The following BAZ2B variants were observed in gnomAD, a reference collection of about 807,000 sequenced individuals.
BAZ2B encodes bromodomain adjacent to zinc finger domain protein 2B.
Under a neutral mutation model 246.0 loss-of-function variants are expected in BAZ2B, and 91 were observed. The ratio of observed to expected loss-of-function variants is 0.37; its 90% CI spans 0.31 to 0.44. BAZ2B has a LOEUF of 0.44. Among genes scored for constraint, BAZ2B ranks in the 20% least tolerant of loss-of-function variants. The pLI is 1.00. For missense variants in BAZ2B, 2,332 were observed against 2,533.7 expected (o/e 0.92, Z 1.71); for synonymous variants, 855 against 860.0 (o/e 0.99, Z 0.10).
At chr2:159,661,307 A>T in the BAZ2B span, among the ~76,000 whole-genome samples, 1 of 152,214 alleles carries the variant, frequency 6.6e-6, no homozygotes. Context: ...ATTCCATTGT[A>T]TGGATATACT....
chr2:159,474,461 A>C (rs1300049357), intron 3 of BAZ2B, among the ~76,000 whole-genome samples: 1 of 152,112 alleles, frequency 6.6e-6, no homozygotes, highest in Non-Finnish European at 1.5e-5. Context: ...TTTGCCCATG[A>C]GATGGGGCTC....
chr2:159,667,895 A>G, the BAZ2B span, among the ~76,000 whole-genome samples: 4 of 152,010 alleles, frequency 2.6e-5, no homozygotes, highest in African/African-American at 9.7e-5. Context: ...CATTGATTTT[A>G]CCATCAGCTT....
chr2:159,607,294 A>G (rs971781622), intron 1 of BAZ2B, among the ~76,000 whole-genome samples: 1 of 152,212 alleles, frequency 6.6e-6, no homozygotes, highest in African/African-American at 2.4e-5. Flanking sequence ...GGATACACAT[A>G]TATCACCCTC....
chr2:159,540,231 A>G (rs1188209041), intron 2 of BAZ2B, among the ~76,000 whole-genome samples: 1 of 152,214 alleles, frequency 6.6e-6, no homozygotes, highest in African/African-American at 2.4e-5. Context: ...CAGTATGTGA[A>G]GCATACAATA....
chr2:159,317,440 G>C (rs140886423), downstream of BAZ2B, among the ~76,000 whole-genome samples: 15 of 152,254 alleles, frequency 9.9e-5, no homozygotes, highest in East Asian at 2.9e-3. Flanking sequence ...TTGGGTTTTA[G>C]GTGTACCTAT....
At chr2:159,609,277 CCTT>C (rs1694194641) in intron 1 of BAZ2B, among the ~76,000 whole-genome samples, 2 of 152,094 alleles carry the variant, frequency 1.3e-5, no homozygotes, top group Admixed American at 6.5e-5. Context: ...AAAAGAGACT[CCTT>C]ATTAGATTTC....
At chr2:159,374,138 G>A (rs990256151) in intron 26 of BAZ2B, among the ~76,000 whole-genome samples, 3 of 146,582 alleles carry the variant, frequency 2.0e-5, no homozygotes, top group Admixed American at 6.8e-5. Context: ...TCAAACTCCT[G>A]GGCTCAAACG....
At chr2:159,446,260 A>C (rs1267757052) in intron 6 of BAZ2B, among the ~76,000 whole-genome samples, 1 of 152,242 alleles carries the variant, frequency 6.6e-6, no homozygotes, top group East Asian at 1.9e-4. Flanking sequence ...GAGAGGCAAT[A>C]AATTGATAAC....
chr2:159,435,871 T>C (rs1435603557), intron 8 of BAZ2B, among the ~76,000 whole-genome samples: 1 of 152,354 alleles, frequency 6.6e-6, no homozygotes, highest in Non-Finnish European at 1.5e-5. Flanking sequence ...TTAACATCTA[T>C]ACTGTATTAG....
At chr2:159,365,437 C>T (rs1158128745) in intron 27 of BAZ2B, among the ~76,000 whole-genome samples, 2 of 152,168 alleles carry the variant, frequency 1.3e-5, no homozygotes, top group Non-Finnish European at 2.9e-5. Flanking sequence ...TATGCCAAGA[C>T]CTGAGTTTTT....
the BAZ2B span, among the ~76,000 whole-genome samples, chr2:159,671,174 G>A: frequency 2.6e-5 from 4 of 152,100 alleles, no homozygotes; most frequent in African/African-American, 9.7e-5. Context: ...CAAATACATT[G>A]ATCCTTTAAA....
intron 11 of BAZ2B, among the ~76,000 whole-genome samples, chr2:159,428,795 A>G (rs1170858666): frequency 6.6e-6 from 1 of 152,116 alleles, no homozygotes; most frequent in African/African-American, 2.4e-5. Context: ...CCAGTCTAAA[A>G]GCTGTCATTT....
At chr2:159,388,404 A>T (rs2062893463) in intron 21 of BAZ2B, among the ~76,000 whole-genome samples, 1 of 152,172 alleles carries the variant, frequency 6.6e-6, no homozygotes. Flanking sequence ...CAGCAACATT[A>T]CATGTCTGTG....
At chr2:159,431,227 T>C in intron 9 of BAZ2B, 71 bp from the exon 10 acceptor site, 1 of 1,512,608 alleles carries the variant, frequency 6.6e-7, no homozygotes, top group Non-Finnish European at 8.8e-7. Flanking sequence ...TGTATCTAAA[T>C]GGACTAGCTC....
intron 14 of BAZ2B, among the ~76,000 whole-genome samples, chr2:159,406,474 T>C (rs901951615): frequency 2.0e-5 from 3 of 152,222 alleles, no homozygotes; most frequent in Admixed American, 6.5e-5. Context: ...GCAAAGGGTG[T>C]AACAGACACA....
the BAZ2B span, among the ~76,000 whole-genome samples, chr2:159,711,191 CA>C: frequency 1.3e-5 from 2 of 152,134 alleles, no homozygotes; most frequent in Non-Finnish European, 2.9e-5. Flanking sequence ...CACAATGCTG[CA>C]GGGGCACTCG....
At chr2:159,578,392 T>C (rs981938931) in intron 1 of BAZ2B, among the ~76,000 whole-genome samples, 2 of 152,202 alleles carry the variant, frequency 1.3e-5, no homozygotes, top group African/African-American at 4.8e-5. Flanking sequence ...TTTGCCCTTT[T>C]TGGAGATCCA....
At chr2:159,582,555 T>C (rs1687085438) in intron 1 of BAZ2B, among the ~76,000 whole-genome samples, 1 of 152,144 alleles carries the variant, frequency 6.6e-6, no homozygotes, top group South Asian at 2.1e-4. Flanking sequence ...AAATAATTTT[T>C]GTATTTTTTT....
chr2:159,373,008 C>T (rs768114794), intron 27 of BAZ2B, 37 bp downstream of exon 27: 1 of 1,567,464 alleles, frequency 6.4e-7, no homozygotes, highest in South Asian at 1.2e-5. Context: ...TATATAGTTT[C>T]TTATTTAACA....
Sources: gnomAD v4.1 joint callset for allele counts (sites outside exome capture counted in the v4.1 genomes callset) on GRCh38, gnomAD v4.1.1 for gene constraint, MANE v1.5 for transcripts, NCBI Gene and HGNC (gene_info 2026-07-23, HGNC 2026-07-21) for gene names.